CNOT10: variants seen among roughly 807,000 people sequenced by gnomAD.
CNOT10 encodes the protein CCR4-NOT transcription complex subunit 10.
In CNOT10, 30 loss-of-function variants were observed where a neutral mutation model predicts 94.6. That is an observed-to-expected ratio of 0.32 (90% CI 0.24 to 0.43). The LOEUF (loss-of-function observed/expected upper bound fraction) is 0.43, where lower values mean the gene tolerates loss of function less well. Ranked by LOEUF, CNOT10 falls within the 20% of genes least tolerant of loss-of-function variation. The pLI, the probability that CNOT10 is intolerant of heterozygous loss-of-function variation, is 1.00. For synonymous variants in CNOT10, 289 were observed against 301.6 expected, an observed-to-expected ratio of 0.96 and a Z score of 0.43; for missense variants, 759 against 877.2, an observed-to-expected ratio of 0.87 and a Z score of 1.70.
intron 1 of CNOT10, among the ~76,000 whole-genome samples, chr3:32,702,020 G>C (rs537500972): frequency 8.3e-4 from 125 of 151,168 alleles, no homozygotes; most frequent in African/African-American, 2.9e-3. Flanking sequence ...GTATGGCCTC[G>C]ATCTCCTGAC....
chr3:32,770,419 G>A lies in CNOT10; in HGVS notation c.2080+457G>A, dbSNP rs557030509. On this transcript the variant is annotated intron_variant, in intron 18 of 18. Coordinates refer to ENST00000328834, the MANE Select transcript of CNOT10 (RefSeq NM_015442.3). ...CGGCTCACTGCAAGTTCCGCCTCCC[G>A]GGTTCATGCCATTCTCCTGCCTCAG... 1.7e-3 allele frequency among the ~76,000 whole-genome samples: 257 copies of A among 148,584 alleles called. 1 individual carries two copies. Among genetic ancestry groups the A allele is most frequent in the African/African-American group, 6.1e-3 (246 of 40,182 alleles).
At chr3:32,712,950 A>G (rs777548093) in intron 4 of CNOT10, among the ~76,000 whole-genome samples, 3 of 152,254 alleles carry the variant, frequency 2.0e-5, no homozygotes, top group Non-Finnish European at 4.4e-5. Context: ...GCCTAAAGTA[A>G]TATTCCTCAT....
chr3:32,764,750 C>G lies in CNOT10; in HGVS notation c.1945C>G (p.Leu649Val). 6.2e-7 allele frequency: 1 copy of G among 1,614,186 alleles called. No homozygotes were observed. The highest frequency in any genetic ancestry group is 8.5e-7 in the Non-Finnish European group (1 of 1,180,032). The part of the protein sequence containing the change: ...NSARTVMLFN[L>V]GSAYCLRSEY... Reference sequence around the variant, plus strand: ...TGCCAGGACTGTGATGCTGTTCAACCTTGGCAGCGCTTACTGCCTGAGGAG... The same window carrying G: ...TGCCAGGACTGTGATGCTGTTCAACGTTGGCAGCGCTTACTGCCTGAGGAG... Residue 649 changes from leucine to valine, a missense_variant, in exon 17 of 19, where the codon CTT (leucine) becomes GTT (valine). By Grantham distance (32) the Leu-to-Val change is conservative (BLOSUM62 1). Coordinates refer to ENST00000328834, the MANE Select transcript of CNOT10 (RefSeq NM_015442.3).
Position 32,717,228 on chromosome 3 carries a change from A to G in CNOT10, c.735A>G (p.Thr245=). ...CKREIKSVMN[T]AGNSAPSLFL... ...GGGAAATCAAGTCAGTCATGAATAC[A>G]GCTGGAAATGTAAGTTTCTTCTGGA... The change falls in exon 7 of 19, where the codon ACA becomes ACG. Residue 245 remains threonine (T), a synonymous_variant. Coordinates refer to ENST00000328834, the MANE Select transcript of CNOT10 (RefSeq NM_015442.3). 6.3e-7 allele frequency: 1 copy of G among 1,599,292 alleles called. No individual in the cohort carries two copies. The highest frequency in any genetic ancestry group is 8.5e-7 in the Non-Finnish European group (1 of 1,169,902).
chr3:32,724,452 A>C (rs1383724724), intron 8 of CNOT10, among the ~76,000 whole-genome samples: 1 of 144,250 alleles, frequency 6.9e-6, no homozygotes, highest in African/African-American at 2.6e-5. Context: ...TTGCTCTGTC[A>C]CTCAGGCTGG....
intron 8 of CNOT10, among the ~76,000 whole-genome samples, chr3:32,724,207 A>G (rs1475858350): frequency 4.0e-5 from 6 of 151,140 alleles, no homozygotes; most frequent in Non-Finnish European, 7.4e-5. Context: ...AAATCAGTGG[A>G]GACTTACAGT....
At chr3:32,696,028 G>T (rs1253779457) in intron 1 of CNOT10, among the ~76,000 whole-genome samples, 4 of 143,488 alleles carry the variant, frequency 2.8e-5, no homozygotes, top group African/African-American at 1.1e-4. Flanking sequence ...TTTGAAATGG[G>T]GTCTTGGCCG....
At chr3:32,704,153 G>T (rs1427205142) in intron 2 of CNOT10, among the ~76,000 whole-genome samples, 191 bp downstream of exon 2, 1 of 152,110 alleles carries the variant, frequency 6.6e-6, no homozygotes, top group Non-Finnish European at 1.5e-5. Context: ...GGAATAATTG[G>T]AGCCATTCCC....
At chr3:32,720,831 C>CCCTT (rs1553632547) in intron 8 of CNOT10, among the ~76,000 whole-genome samples, 3 of 127,320 alleles carry the variant, frequency 2.4e-5, no homozygotes, top group Admixed American at 8.1e-5. Flanking sequence ...TGCCCTCCCT[C>CCCTT]CCTCCCTTCC....
chr3:32,770,880 A>G (rs934922857), intron 18 of CNOT10, among the ~76,000 whole-genome samples: 2 of 151,700 alleles, frequency 1.3e-5, no homozygotes, highest in Admixed American at 1.3e-4. Flanking sequence ...TGCCTGGTTA[A>G]TTTTTGTATT....
intron 3 of CNOT10, among the ~76,000 whole-genome samples, chr3:32,706,991 T>G (rs2125521342): frequency 6.6e-6 from 1 of 152,382 alleles, no homozygotes; most frequent in South Asian, 2.1e-4. Context: ...TTGTGTGTAG[T>G]GAACCTTCAG....
At chr3:32,751,089 C>G (rs1699943621) in intron 13 of CNOT10, among the ~76,000 whole-genome samples, 1 of 151,580 alleles carries the variant, frequency 6.6e-6, no homozygotes, top group Non-Finnish European at 1.5e-5. Flanking sequence ...TCAAAGCATA[C>G]AAAATTTCAA....
At position 32,733,409 on chromosome 3, in the gene CNOT10, T is replaced by A. The variant is rs1220764135; in HGVS notation, c.1216-14T>A. On this transcript the variant is annotated splice_polypyrimidine_tract_variant and intron_variant, in intron 10 of 18. Coordinates refer to ENST00000328834, the MANE Select transcript of CNOT10 (RefSeq NM_015442.3). ...ATTCCCTTAAATTTATTGGAAATTA[T>A]TTGTATTTTGTAGACTTCTGAACAA... 1 of 1,545,622 alleles carries A rather than the reference T, an allele frequency of 6.5e-7. No homozygotes were observed. The highest frequency in any genetic ancestry group is 8.8e-7 in the Non-Finnish European group (1 of 1,139,904).
rs148672018 is a variant in CNOT10, at chr3:32,759,465, A to G, written c.1603A>G (p.Ile535Val). The G allele has an allele frequency of 2.8e-4, 446 of 1,613,074 alleles. 2 individuals carry two copies. In the African/African-American group the frequency reaches 4.9e-3, roughly 18 times the overall value. Residue 535 changes from isoleucine (I) to valine (V), a missense_variant, in exon 14 of 19, where the codon ATA (isoleucine) becomes GTA (valine). Coordinates refer to ENST00000328834, the MANE Select transcript of CNOT10 (RefSeq NM_015442.3). ...TTCCCTTTTGTGTTATAGGTGCTCC[A>G]TACTTGCTTGCAGTGCCTACGTGGC... is the stretch of plus-strand genomic sequence containing the variant. Reference protein sequence around the residue: ...KQELENLKCSILACSAYVALA... With the variant: ...KQELENLKCSVLACSAYVALA...
At chr3:32,768,215 G>C (rs897834789) in intron 17 of CNOT10, among the ~76,000 whole-genome samples, 3 of 152,126 alleles carry the variant, frequency 2.0e-5, no homozygotes, top group Non-Finnish European at 4.4e-5. Flanking sequence ...AAAAGCTTCA[G>C]ACTGTGGTCA....
rs766064390 is a variant in CNOT10, at chr3:32,752,289, C to CA, written c.1596-7155dup. ...GGGCAACAAGAGCGAAACTCCGTCT[C>CA]AAAAAAAAAAAAAATTCTTCAGTGG... On this transcript the variant is annotated intron_variant, in intron 13 of 18. Transcript: ENST00000328834. Among the ~76,000 whole-genome samples, 891 of 136,016 alleles carry CA rather than the reference C, an allele frequency of 6.6e-3. 6 individuals are homozygous for CA. Among genetic ancestry groups the CA allele is most frequent in the African/African-American group, 0.019 (714 of 37,112 alleles). 89.2% of individuals were successfully genotyped at this position (136,016 alleles called of 152,430 possible). A position where few individuals can be genotyped will look rare whatever the true frequency, so the allele number is the denominator to read the frequency against.
intron 18 of CNOT10, 94 bp from the exon 19 acceptor site, chr3:32,773,363 C>G (rs1159385513): frequency 2.3e-6 from 3 of 1,296,414 alleles, no homozygotes; most frequent in Non-Finnish European, 3.2e-6. Context: ...TCTTCTAGAT[C>G]ATCTTTTACC....
intron 4 of CNOT10, among the ~76,000 whole-genome samples, 189 bp downstream of exon 4, chr3:32,709,009 A>G (rs1003025256): frequency 1.3e-5 from 2 of 152,202 alleles, no homozygotes; most frequent in African/African-American, 2.4e-5. Context: ...TCCCTTCCCA[A>G]ATTTTGAAGA....
At chr3:32,718,895 A>C (rs1320769981) in intron 7 of CNOT10, among the ~76,000 whole-genome samples, 1 of 152,104 alleles carries the variant, frequency 6.6e-6, no homozygotes, top group East Asian at 1.9e-4. Context: ...CAGGCAGATC[A>C]CCTGAGGTCA....
Sources: allele counts gnomAD v4.1 joint callset (sites outside exome capture counted in the v4.1 genomes callset), GRCh38; gene constraint gnomAD v4.1.1; transcripts MANE v1.5; gene names NCBI Gene and HGNC (gene_info 2026-07-23, HGNC 2026-07-21).